ATXN10: variants seen among roughly 807,000 people sequenced by gnomAD.
The protein encoded by ATXN10 is ataxin-10.
ATXN10 carries 28 observed loss-of-function variants against 52.9 expected under a neutral mutation model. That is an observed-to-expected ratio of 0.53 (90% confidence interval 0.39 to 0.73). ATXN10 has a LOEUF of 0.73. ATXN10 is among the 30% of genes least tolerant of loss of function. The pLI is 0.00. For missense variants in ATXN10, 565 were observed against 577.0 expected (o/e 0.98, Z 0.21); for synonymous variants, 226 against 221.5 (o/e 1.02, Z -0.18).
chr22:45,807,177 G>T, intron 10 of ATXN10, 155 bp downstream of exon 10: 1 of 730,000 alleles, frequency 1.4e-6, no homozygotes. Flanking sequence ...GAGTTATGGT[G>T]CTAGAATATC....
At chr22:45,737,234 C>T (rs1243337857) in intron 7 of ATXN10, among the ~76,000 whole-genome samples, 3 of 152,202 alleles carry the variant, frequency 2.0e-5, no homozygotes, top group Non-Finnish European at 2.9e-5. Flanking sequence ...TTTCTGATTC[C>T]GAATTTCTGA....
In ATXN10 at chr22:45,780,022, T is replaced by C. The variant is rs1464712011; in HGVS notation, c.1174-26937T>C. The stretch of plus-strand genomic sequence containing the variant: ...GAAGTTAATGTTTTTAATATCTAAG[T>C]ATTCTACATTCGTGAAATTCCAAAT... On this transcript the variant is annotated intron_variant, in intron 9 of 11. Transcript: ENST00000252934. The surrounding 1 kb of genome is among the most constrained non-coding windows in gnomAD (Gnocchi z 4.0). Among the ~76,000 whole-genome samples, 1 of 152,204 alleles carries C rather than the reference T, an allele frequency of 6.6e-6. No homozygotes were observed. The highest frequency in any genetic ancestry group is 2.4e-5 in the African/African-American group (1 of 41,460).
intron 10 of ATXN10, among the ~76,000 whole-genome samples, chr22:45,807,327 G>A (rs1348419587): frequency 2.6e-5 from 4 of 152,202 alleles, no homozygotes; most frequent in Non-Finnish European, 5.9e-5. Context: ...CATCACCGGT[G>A]TCACCTTTCC....
rs1016782793 is a variant in ATXN10, at chr22:45,708,910, A to G, written c.647+6063A>G. Among the ~76,000 whole-genome samples the G allele has an allele frequency of 6.6e-6, 1 of 152,208 alleles. No individual in the cohort carries two copies. Among genetic ancestry groups the G allele is most frequent in the South Asian group, 2.1e-4 (1 of 4,838 alleles). On this transcript the variant is annotated intron_variant, in intron 5 of 11. Transcript: ENST00000252934. This position sits in a 1 kb window ranked among gnomAD's most constrained non-coding sequence, Gnocchi z 5.3. ...CCCGCCTGTCTCCCAAAGTGCTGGG[A>G]TTACAGGCATGAGCCACCGTGCCCA...
chr22:45,672,011 T>C lies in ATXN10; in HGVS notation c.-53T>C, dbSNP rs1922460511. The C allele has an allele frequency of 1.3e-6, 2 of 1,522,524 alleles. No individual in the cohort carries two copies. The highest frequency in any genetic ancestry group is 1.8e-6 in the Non-Finnish European group (2 of 1,137,212). The allele number at this position is 1,522,524 out of a possible 1,614,324, so 94.3% of individuals were successfully genotyped here. On this transcript the variant is annotated 5_prime_UTR_variant, in exon 1 of 12. Transcript: ENST00000252934. ...CCCTCCTCGTCATCCTCCCCCTTCG[T>C]CCTCCTCGCCTTCCTCCTCCTCGTC...
rs1188632567 is a variant in ATXN10, at chr22:45,795,551, C to T, written c.1174-11408C>T. ...TCAGCCTCCCAAGTAGCTGAGATTA[C>T]AGGTTCACCACCACACCCAGCTAAT... On this transcript the variant is annotated intron_variant, in intron 9 of 11. Transcript: ENST00000252934. The surrounding 1 kb of genome is among the most constrained non-coding windows in gnomAD (Gnocchi z 4.6). 1.3e-5 allele frequency among the ~76,000 whole-genome samples: 2 copies of T among 152,088 alleles called. No homozygotes were observed. Among genetic ancestry groups the T allele is most frequent in the African/African-American group, 4.8e-5 (2 of 41,408 alleles).
chr22:45,767,436 TACACACAC>T (rs67341464), intron 9 of ATXN10, among the ~76,000 whole-genome samples: 1 of 149,736 alleles, frequency 6.7e-6, no homozygotes, highest in Admixed American at 6.7e-5. Context: ...TAAATATACA[TACACACAC>T]ACACACACAC....
Position 45,825,930 on chromosome 22 carries a change from T to C in ATXN10, c.1238-17061T>C, listed in dbSNP as rs1445467059. Reference sequence around the variant, plus strand: ...CAAAAATTAGCCCCAGGCGTGGTGGTGTGCACCTGTAGTCCCAGCTACTTG... The same window carrying C: ...CAAAAATTAGCCCCAGGCGTGGTGGCGTGCACCTGTAGTCCCAGCTACTTG... On this transcript the variant is annotated intron_variant, in intron 10 of 11. Transcript: ENST00000252934. The surrounding 1 kb of genome is among the most constrained non-coding windows in gnomAD (Gnocchi z 4.5). Among the ~76,000 whole-genome samples the C allele has an allele frequency of 6.6e-6, 1 of 151,926 alleles. No individual in the cohort carries two copies. The highest frequency in any genetic ancestry group is 1.5e-5 in the Non-Finnish European group (1 of 67,984).
intron 3 of ATXN10, among the ~76,000 whole-genome samples, chr22:45,697,881 C>CG (rs1298650155): frequency 2.6e-5 from 4 of 152,214 alleles, no homozygotes; most frequent in African/African-American, 9.6e-5. Context: ...CCGCCCGCCT[C>CG]GGCCTCCCAA....
Position 45,757,759 on chromosome 22 carries a change from TATTC to T in ATXN10, c.1173+17228_1173+17231del, listed in dbSNP as rs1334370219. ...TTTATTAAAAATGTGATTAGAGTTA[TATTC>T]ATTCATGTTTGATTCTCTTTTAAGA... On this transcript the variant is annotated intron_variant, in intron 9 of 11. Coordinates refer to ENST00000252934, the MANE Select transcript of ATXN10 (RefSeq NM_013236.4). The surrounding 1 kb of genome is among the most constrained non-coding windows in gnomAD (Gnocchi z 4.6). Among the ~76,000 whole-genome samples, 1 of 152,228 alleles carries T rather than the reference TATTC, an allele frequency of 6.6e-6. No homozygotes were observed. The highest frequency in any genetic ancestry group is 2.4e-5 in the African/African-American group (1 of 41,456).
rs1486087001 is a variant in ATXN10 at position 45,712,037 on chromosome 22, G to A, written c.648-6376G>A. On this transcript the variant is annotated intron_variant, in intron 5 of 11. Transcript: ENST00000252934. This position sits in a 1 kb window ranked among gnomAD's most constrained non-coding sequence, Gnocchi z 4.6. ...CTTCTGTAAACATTGACTGGCAAGG[G>A]TATTGAGAAGTTTGGGAATTAGAAA... is the stretch of plus-strand genomic sequence containing the variant. Among the ~76,000 whole-genome samples the A allele has an allele frequency of 6.6e-6, 1 of 152,166 alleles. No homozygotes were observed. Among genetic ancestry groups the A allele is most frequent in the African/African-American group, 2.4e-5 (1 of 41,444 alleles).
intron 3 of ATXN10, among the ~76,000 whole-genome samples, chr22:45,694,073 A>G (rs1233913809): frequency 6.6e-6 from 1 of 152,150 alleles, no homozygotes; most frequent in Non-Finnish European, 1.5e-5. Flanking sequence ...GTTGAGGGGA[A>G]CCACATGTTA....
At position 45,843,719 on chromosome 22, in the gene ATXN10, T is replaced by A; in HGVS notation, c.*48T>A. ...AATTTTTGGAATCTGTTTCATGGAT[T>A]TTTCATCTTCTACCGTATGTGAAAT... is the stretch of plus-strand genomic sequence containing the variant. On this transcript the variant is annotated 3_prime_UTR_variant, in exon 12 of 12. Coordinates refer to ENST00000252934, the MANE Select transcript of ATXN10 (RefSeq NM_013236.4). The surrounding 1 kb of genome is among the most constrained non-coding windows in gnomAD (Gnocchi z 4.5). 6.4e-7 allele frequency: 1 copy of A among 1,573,826 alleles called. No individual in the cohort carries two copies. The highest frequency in any genetic ancestry group is 8.7e-7 in the Non-Finnish European group (1 of 1,145,176).
At chr22:45,811,720 G>A (rs1569074777) in intron 10 of ATXN10, 1 of 471,128 alleles carries the variant, frequency 2.1e-6, no homozygotes, top group South Asian at 1.5e-5. Context: ...GTCCACACTT[G>A]CATCATTGCT....
intron 9 of ATXN10, among the ~76,000 whole-genome samples, chr22:45,773,911 C>T (rs1926862890): frequency 6.6e-6 from 1 of 152,142 alleles, no homozygotes; most frequent in Non-Finnish European, 1.5e-5. Flanking sequence ...TGGGTTTATC[C>T]ACAGGTGTAT....
chr22:45,718,431 C>A lies in ATXN10; in HGVS notation c.666C>A (p.Asp222Glu), dbSNP rs1289198673. The A allele has an allele frequency of 6.2e-7, 1 of 1,613,574 alleles. No individual in the cohort carries two copies. Among genetic ancestry groups the A allele is most frequent in the Non-Finnish European group, 8.5e-7 (1 of 1,179,588 alleles). ...ESEWPFLIIT[D>E]LFLKSPELVQ... is the part of the protein sequence containing the mutation. ...TCCCTAGGTTCTTGATTATTACAGA[C>A]CTCTTTCTGAAAAGCCCGGAATTGG... is the stretch of plus-strand genomic sequence containing the variant. Residue 222 changes from aspartate to glutamate, a missense_variant, in exon 6 of 12, where the codon GAC becomes GAA. Physicochemically the swap from Asp to Glu is conservative, Grantham distance 45 (BLOSUM62 2). Transcript: ENST00000252934. The surrounding 1 kb of genome is among the most constrained non-coding windows in gnomAD (Gnocchi z 4.4).
At chr22:45,702,874 G>A (rs763271363) in intron 5 of ATXN10, 27 bp downstream of exon 5, 2 of 1,613,140 alleles carry the variant, frequency 1.2e-6, no homozygotes, top group Admixed American at 3.3e-5. Context: ...AAATTTGATT[G>A]CTTTGGGGCA....
intron 6 of ATXN10, among the ~76,000 whole-genome samples, chr22:45,725,405 T>A (rs1924827965): frequency 6.6e-6 from 1 of 151,474 alleles, no homozygotes; most frequent in African/African-American, 2.4e-5. Flanking sequence ...CATTTGATTT[T>A]TTTTTTTTTT....
chr22:45,718,570 T>C lies in ATXN10; in HGVS notation c.728+77T>C. 7.7e-7 allele frequency: 1 copy of C among 1,291,788 alleles called. No individual in the cohort carries two copies. The allele number at this position is 1,291,788 out of a possible 1,614,324, so 80.0% of individuals were successfully genotyped here. A position where few individuals can be genotyped will look rare whatever the true frequency, so the allele number is the denominator to read the frequency against. On this transcript the variant is annotated intron_variant, in intron 6 of 11. Transcript: ENST00000252934. The surrounding 1 kb of genome is among the most constrained non-coding windows in gnomAD (Gnocchi z 4.4). ...TTCGATGCACGTGACTGAAAAGCTG[T>C]GTGGTTTCTGAGTTGGCACAGAATC...
Sources: allele counts gnomAD v4.1 joint callset (sites outside exome capture counted in the v4.1 genomes callset), GRCh38; gene constraint gnomAD v4.1.1; non-coding constraint Gnocchi (gnomAD v3.1); transcripts MANE v1.5; gene names NCBI Gene and HGNC (gene_info 2026-07-23, HGNC 2026-07-21).